The following DNAH3 variants were observed in gnomAD, a reference collection of about 807,000 sequenced individuals.
DNAH3 encodes dynein axonemal heavy chain 3, also known as axonemal beta dynein heavy chain 3.
In DNAH3, 332 loss-of-function variants were observed where a neutral mutation model predicts 432.5. That is an observed-to-expected ratio of 0.77 (90% CI 0.70 to 0.84). The LOEUF (loss-of-function observed/expected upper bound fraction) is 0.84. Among genes scored for constraint, DNAH3 ranks in the 40% least tolerant of loss-of-function variants. The probability of loss-of-function intolerance (pLI) is 0.00; values close to 1 mark genes in which losing one functional copy is unlikely to be tolerated. For missense variants in DNAH3, 4,861 were observed against 5,114.0 expected (o/e 0.95, Z 1.51); for synonymous variants, 1,956 against 1,900.2 (o/e 1.03, Z -0.76).
intron 53 of DNAH3, among the ~76,000 whole-genome samples, chr16:20,961,385 A>C (rs376870885): frequency 2.6e-5 from 4 of 152,058 alleles, no homozygotes; most frequent in Non-Finnish European, 5.9e-5. Flanking sequence ...TAGGAGATAC[A>C]CCTAATGTAA....
chr16:20,933,949 T>G (rs1000160466), intron 61 of DNAH3, among the ~76,000 whole-genome samples: 5 of 152,216 alleles, frequency 3.3e-5, no homozygotes, highest in Admixed American at 6.5e-5. Flanking sequence ...ATGGTCAATT[T>G]CAGCCTACCA....
intron 44 of DNAH3, among the ~76,000 whole-genome samples, chr16:20,996,346 G>A (rs1384726323): frequency 6.6e-6 from 1 of 152,166 alleles, no homozygotes; most frequent in African/African-American, 2.4e-5. Flanking sequence ...TGGTAGCTAT[G>A]TGAACTTAAC....
chr16:21,147,056 G>A (rs932364749), intron 1 of DNAH3, among the ~76,000 whole-genome samples: 1 of 151,856 alleles, frequency 6.6e-6, no homozygotes, highest in Non-Finnish European at 1.5e-5. Flanking sequence ...CACCACGCCC[G>A]GCCCCTGCTT....
chr16:20,987,249 G>A (rs1292823391), intron 47 of DNAH3, 56 bp downstream of exon 47: 25 of 1,593,398 alleles, frequency 1.6e-5, no homozygotes, highest in South Asian at 1.1e-4. Flanking sequence ...TGAAAGTAAC[G>A]TGGTTAAACA....
At chr16:21,117,126 C>T in intron 12 of DNAH3, 77 bp downstream of exon 12, 1 of 947,340 alleles carries the variant, frequency 1.1e-6, no homozygotes, top group African/African-American at 1.6e-5. Context: ...AACAGGAATA[C>T]CTTATTGGAT....
intron 24 of DNAH3, among the ~76,000 whole-genome samples, chr16:21,063,476 A>ATT (rs893449823): frequency 2.0e-5 from 3 of 147,638 alleles, no homozygotes; most frequent in African/African-American, 7.4e-5. Flanking sequence ...TATTTTATTT[A>ATT]TTTTTTTATT....
intron 16 of DNAH3, among the ~76,000 whole-genome samples, chr16:21,102,668 A>G (rs2091863687): frequency 6.6e-6 from 1 of 152,224 alleles, no homozygotes; most frequent in African/African-American, 2.4e-5. Context: ...AAGTTTACTT[A>G]TATAACAAAC....
rs199635381 is a variant in DNAH3 at position 20,969,082 on chromosome 16, TTC to T, written c.8458+708_8458+709del. ...AAGTCTCTCCCCATCTGCTTTTTCTTTCTCTGTGTGTGTGTGTGTGTGTGTGT... is the reference window on the plus strand; with the variant it reads ...AAGTCTCTCCCCATCTGCTTTTTCTTTCTGTGTGTGTGTGTGTGTGTGTGT... On this transcript the variant is annotated intron_variant, in intron 52 of 61. Coordinates refer to ENST00000261383, the Ensembl canonical transcript of DNAH3. 9.2e-3 allele frequency among the ~76,000 whole-genome samples: 1,126 copies of T among 122,630 alleles called. 8 individuals carry two copies. The highest frequency in any genetic ancestry group is 0.024 in the South Asian group (80 of 3,400). 80.5% of individuals were successfully genotyped at this position (122,630 alleles called of 152,430 possible). A position where few individuals can be genotyped will look rare whatever the true frequency, so the allele number is the denominator to read the frequency against.
chr16:20,958,598 C>G (rs1274716636), intron 54 of DNAH3, among the ~76,000 whole-genome samples: 2 of 152,136 alleles, frequency 1.3e-5, no homozygotes, highest in Non-Finnish European at 2.9e-5. Flanking sequence ...TCCTTCCTGG[C>G]AAACTCCTAT....
intron 36 of DNAH3, among the ~76,000 whole-genome samples, chr16:21,031,825 T>C (rs1319641774): frequency 7.2e-5 from 11 of 152,230 alleles, no homozygotes; most frequent in South Asian, 6.2e-4. Flanking sequence ...GCCAGGAGTT[T>C]GAGACCAGCC....
rs201435485 is a variant in DNAH3, at chr16:21,134,463, G to A, written c.887-9C>T. 57 of 1,612,316 alleles carry A rather than the reference G, an allele frequency of 3.5e-5. No homozygotes were observed. Among genetic ancestry groups the A allele is most frequent in the East Asian group, 2.7e-4 (12 of 44,840 alleles). On this transcript the variant is annotated splice_polypyrimidine_tract_variant and intron_variant, in intron 6 of 61. Transcript: ENST00000261383. ...CATGAGGATGTAATCAACTACAACCGGAAAGGGCGAACACCTCATTATTAA... is the reference window on the plus strand; with the variant it reads ...CATGAGGATGTAATCAACTACAACCAGAAAGGGCGAACACCTCATTATTAA...
At chr16:21,054,596 T>A in intron 27 of DNAH3, 62 bp from the exon 28 acceptor site, 1 of 1,293,920 alleles carries the variant, frequency 7.7e-7, no homozygotes, top group East Asian at 2.4e-5. Context: ...AATCCCCATG[T>A]CAAGAAATGG....
intron 14 of DNAH3, among the ~76,000 whole-genome samples, chr16:21,110,463 C>G (rs2092044311): frequency 6.6e-6 from 1 of 152,128 alleles, no homozygotes; most frequent in Non-Finnish European, 1.5e-5. Flanking sequence ...TGCAGAAGCC[C>G]ATAAACTGGA....
chr16:20,969,306 G>GTGCA (rs1053869662), intron 52 of DNAH3, among the ~76,000 whole-genome samples: 1 of 152,000 alleles, frequency 6.6e-6, no homozygotes, highest in Non-Finnish European at 1.5e-5. Context: ...GTGTGTGTGT[G>GTGCA]TGCATGCATG....
intron 7 of DNAH3, among the ~76,000 whole-genome samples, chr16:21,132,007 C>T (rs60682880): frequency 0.28 from 42,874 of 151,950 alleles, 6,173 homozygotes; most frequent in African/African-American, 0.34. Context: ...TAAGTTATTA[C>T]TTTATATGGT....
At chr16:21,049,438 A>T in intron 31 of DNAH3, 131 bp downstream of exon 31, 3 of 660,000 alleles carry the variant, frequency 4.5e-6, no homozygotes, top group South Asian at 1.9e-5. Flanking sequence ...TAGTTCACTG[A>T]GTACCTGCTT....
chr16:20,969,507 C>T (rs900801746), intron 52 of DNAH3, among the ~76,000 whole-genome samples: 2 of 152,194 alleles, frequency 1.3e-5, no homozygotes, highest in African/African-American at 4.8e-5. Context: ...CTTTTGTCTA[C>T]CTGACCTTCA....
Position 21,078,959 on chromosome 16 carries a change from C to T in DNAH3, c.2969+2677G>A, listed in dbSNP as rs1460330411. Among the ~76,000 whole-genome samples, 4 of 152,350 alleles carry T rather than the reference C, an allele frequency of 2.6e-5. No homozygotes were observed. The East Asian group carries it at 7.7e-4, about 29-fold the overall frequency. On this transcript the variant is annotated intron_variant, in intron 20 of 61. Coordinates refer to ENST00000261383, the Ensembl canonical transcript of DNAH3. ...CCTAATCCTAACTCTAATCACCTAG[C>T]TACTCTCCCATGTTACAAATGGAAC...
Position 21,053,108 on chromosome 16 carries a change from G to A in DNAH3, c.4040-1240C>T, listed in dbSNP as rs868433369. Among the ~76,000 whole-genome samples the A allele has an allele frequency of 1.9e-4, 29 of 152,204 alleles. No homozygotes were observed. The South Asian group carries it at 2.3e-3, about 12-fold the overall frequency. On this transcript the variant is annotated intron_variant, in intron 28 of 61. Transcript: ENST00000261383. Reference sequence around the variant, plus strand: ...TGGAGATCTCAGAGCTAGTACAGCCGACTCAAAATTAGGACCTCAGAAACG... The same window carrying A: ...TGGAGATCTCAGAGCTAGTACAGCCAACTCAAAATTAGGACCTCAGAAACG...
Sources: allele counts gnomAD v4.1 joint callset (sites outside exome capture counted in the v4.1 genomes callset), GRCh38; gene constraint gnomAD v4.1.1; transcripts MANE v1.5; gene names NCBI Gene and HGNC (gene_info 2026-07-23, HGNC 2026-07-21).